RALGAPA1: variants seen among roughly 807,000 people sequenced by gnomAD.
RALGAPA1 encodes the protein ral GTPase-activating protein subunit alpha-1.
Under a neutral mutation model 269.6 loss-of-function variants are expected in RALGAPA1, and 52 were observed. That is an observed-to-expected ratio of 0.19 (90% CI 0.15 to 0.24). The LOEUF (loss-of-function observed/expected upper bound fraction) is 0.24, where lower values mean the gene tolerates loss of function less well. RALGAPA1 is among the 10% of genes least tolerant of loss of function. The probability of loss-of-function intolerance (pLI) is 1.00; values close to 1 mark genes in which losing one functional copy is unlikely to be tolerated. For synonymous variants in RALGAPA1, 817 were observed against 1,008.3 expected (o/e 0.81, Z 3.60); for missense variants, 1,917 against 3,013.9 (o/e 0.64, Z 8.52).
chr14:35,739,392 T>C (rs1042752387), intron 11 of RALGAPA1, among the ~76,000 whole-genome samples: 4 of 152,294 alleles, frequency 2.6e-5, no homozygotes, highest in Non-Finnish European at 5.9e-5. Context: ...CTGCCCTGAG[T>C]AGCCAATAAA....
intron 21 of RALGAPA1, 50 bp from the exon 22 acceptor site, chr14:35,678,152 C>T (rs367884786): frequency 1.7e-5 from 26 of 1,536,720 alleles, no homozygotes; most frequent in Non-Finnish European, 2.1e-5. Flanking sequence ...CAATATCCTA[C>T]CTAAGATGTA....
At chr14:35,722,759 CTAAG>C (rs796363577) in intron 15 of RALGAPA1, among the ~76,000 whole-genome samples, 16 of 152,090 alleles carry the variant, frequency 1.1e-4, no homozygotes, top group African/African-American at 3.9e-4. Flanking sequence ...TTAGTTAAAA[CTAAG>C]TAAGTGCTTT....
intron 1 of RALGAPA1, among the ~76,000 whole-genome samples, chr14:35,793,271 C>T (rs185657908): frequency 2.2e-3 from 325 of 148,724 alleles, no homozygotes; most frequent in African/African-American, 7.8e-3. Context: ...GAATTTCACT[C>T]TTGTTGTCCA....
At chr14:35,768,834 C>A (rs1311452900) in intron 4 of RALGAPA1, among the ~76,000 whole-genome samples, 5 of 151,092 alleles carry the variant, frequency 3.3e-5, no homozygotes, top group Admixed American at 3.3e-4. Flanking sequence ...CATGCAGAAA[C>A]CCCATCTCTA....
In RALGAPA1 at chr14:35,539,625, C is replaced by T. The variant is rs1566628986; in HGVS notation, c.*89G>A. On this transcript the variant is annotated 3_prime_UTR_variant, in exon 42 of 42. Coordinates refer to ENST00000680220, the MANE Select transcript of RALGAPA1 (RefSeq NM_001346249.2). Reference sequence around the variant, plus strand: ...CTAGTTCGAGGAGACATTGGAGAGGCCAGGTCAGCCCCATCTACCTGCGTT... The same window carrying T: ...CTAGTTCGAGGAGACATTGGAGAGGTCAGGTCAGCCCCATCTACCTGCGTT... 1.2e-6 allele frequency: 2 copies of T among 1,614,074 alleles called. No homozygotes were observed. The highest frequency in any genetic ancestry group is 2.2e-5 in the South Asian group (2 of 91,074).
intron 37 of RALGAPA1, chr14:35,573,003 C>A (rs1426912452): frequency 9.7e-6 from 2 of 206,022 alleles, no homozygotes; most frequent in Non-Finnish European, 1.9e-5. Context: ...CAATTCTCCA[C>A]TAACAGATCT....
intron 16 of RALGAPA1, chr14:35,707,658 AT>A (rs978126815): frequency 6.6e-6 from 1 of 152,132 alleles, no homozygotes. Flanking sequence ...TTCTGCTTCT[AT>A]TTTTTGAGAA....
chr14:35,715,774 A>G (rs1289984821), intron 16 of RALGAPA1: 1 of 985,358 alleles, frequency 1.0e-6, no homozygotes, highest in Non-Finnish European at 1.2e-6. Context: ...CAGTCATCCA[A>G]CCTTGAAGCT....
intron 39 of RALGAPA1, among the ~76,000 whole-genome samples, chr14:35,570,388 G>A (rs2057084245): frequency 6.6e-6 from 1 of 152,044 alleles, no homozygotes; most frequent in African/African-American, 2.4e-5. Flanking sequence ...TGGGTGCAGT[G>A]GCTCACACCT....
chr14:35,639,835 A>C (rs934580562), intron 31 of RALGAPA1, among the ~76,000 whole-genome samples: 2 of 151,924 alleles, frequency 1.3e-5, no homozygotes, highest in Admixed American at 1.3e-4. Context: ...GCTACTCGGG[A>C]GGCTGAGGCA....
At chr14:35,618,116 G>GC (rs1353547688) in intron 35 of RALGAPA1, among the ~76,000 whole-genome samples, 3 of 152,030 alleles carry the variant, frequency 2.0e-5, no homozygotes, top group Non-Finnish European at 4.4e-5. Flanking sequence ...AAAACTTTAA[G>GC]CAACAGATAA....
chr14:35,748,451 C>A (rs374665821), intron 10 of RALGAPA1, 134 bp downstream of exon 10: 1 of 1,113,380 alleles, frequency 9.0e-7, no homozygotes, highest in Non-Finnish European at 1.2e-6. Context: ...TGGGCTCAAG[C>A]GATTCTCCCA....
chr14:35,660,987 T>G (rs935799919), intron 27 of RALGAPA1, among the ~76,000 whole-genome samples: 1 of 152,028 alleles, frequency 6.6e-6, no homozygotes, highest in Admixed American at 6.6e-5. Context: ...GGAAAATAAG[T>G]AAAGGGTACA....
At chr14:35,586,569 T>C (rs1227208704) in intron 37 of RALGAPA1, among the ~76,000 whole-genome samples, 5 of 152,228 alleles carry the variant, frequency 3.3e-5, no homozygotes, top group Non-Finnish European at 7.3e-5. Context: ...CCATTCAGTA[T>C]GACATTGGCT....
intron 41 of RALGAPA1, among the ~76,000 whole-genome samples, chr14:35,540,280 G>C (rs1385000355): frequency 6.6e-6 from 1 of 152,140 alleles, no homozygotes; most frequent in Non-Finnish European, 1.5e-5. Flanking sequence ...TGGATGAGGG[G>C]AGGACAAGAA....
intron 16 of RALGAPA1, among the ~76,000 whole-genome samples, chr14:35,705,475 A>G (rs1164885785): frequency 6.6e-6 from 1 of 151,442 alleles, no homozygotes; most frequent in Non-Finnish European, 1.5e-5. Flanking sequence ...AGCAATACTC[A>G]TTCAGTTTCT....
At chr14:35,762,593 A>T (rs113966197) in intron 5 of RALGAPA1, 117 bp downstream of exon 5, 5 of 748,444 alleles carry the variant, frequency 6.7e-6, no homozygotes, top group African/African-American at 3.5e-5. Context: ...TCAATTAAAT[A>T]AACTGAAGAC....
intron 27 of RALGAPA1, among the ~76,000 whole-genome samples, chr14:35,659,736 C>T (rs530162685): frequency 1.3e-5 from 2 of 151,996 alleles, no homozygotes; most frequent in Admixed American, 6.6e-5. Flanking sequence ...CAATAAAATA[C>T]TAACAAACCA....
At chr14:35,790,884 T>C (rs1270302064) in intron 1 of RALGAPA1, among the ~76,000 whole-genome samples, 2 of 152,166 alleles carry the variant, frequency 1.3e-5, no homozygotes, top group Admixed American at 6.6e-5. Context: ...AATAGTAGCG[T>C]AGTTATTTAA....
Sources: gnomAD v4.1 joint callset for allele counts (sites outside exome capture counted in the v4.1 genomes callset) on GRCh38, gnomAD v4.1.1 for gene constraint, MANE v1.5 for transcripts, NCBI Gene and HGNC (gene_info 2026-07-23, HGNC 2026-07-21) for gene names.